MYO1E: variants seen among roughly 807,000 people sequenced by gnomAD.
MYO1E encodes the protein myosin IE.
A neutral mutation model predicts 151.1 loss-of-function variants in MYO1E; 68 were observed. The observed-to-expected ratio is 0.45, with a 90% CI of 0.37 to 0.55. The LOEUF (loss-of-function observed/expected upper bound fraction) is 0.55, where lower values mean the gene tolerates loss of function less well. Ranked by LOEUF, MYO1E falls within the 20% of genes least tolerant of loss-of-function variation. The pLI, the probability that MYO1E is intolerant of heterozygous loss-of-function variation, is 0.00. For missense variants in MYO1E, 1,363 were observed against 1,389.3 expected, an observed-to-expected ratio of 0.98 and a Z score of 0.30; for synonymous variants, 601 against 501.7, an observed-to-expected ratio of 1.20 and a Z score of -2.64.
chr15:59,195,637 G>A (rs754788680), intron 16 of MYO1E, 70 bp from the exon 17 acceptor site: 2 of 1,335,298 alleles, frequency 1.5e-6, no homozygotes, highest in African/African-American at 2.9e-5. Context: ...AAGGAGACTT[G>A]TAAAACTCTC....
intron 2 of MYO1E, among the ~76,000 whole-genome samples, chr15:59,263,126 G>A (rs1202097044): frequency 1.3e-5 from 2 of 152,106 alleles, no homozygotes; most frequent in African/African-American, 4.8e-5. Context: ...TAAACAGAAA[G>A]TTATTTACAA....
intron 1 of MYO1E, among the ~76,000 whole-genome samples, chr15:59,277,273 G>A (rs534085824): frequency 5.9e-5 from 9 of 152,226 alleles, no homozygotes; most frequent in Admixed American, 3.9e-4. Flanking sequence ...TGGGCCAGGC[G>A]CGGTGGCTCA....
At chr15:59,233,545 T>C (rs1175448219) in intron 5 of MYO1E, among the ~76,000 whole-genome samples, 1 of 151,050 alleles carries the variant, frequency 6.6e-6, no homozygotes, top group Non-Finnish European at 1.5e-5. Context: ...ACGCCTGTAG[T>C]CCCAGCTACT....
chr15:59,283,288 T>C (rs1217213985), intron 1 of MYO1E, among the ~76,000 whole-genome samples: 1 of 152,056 alleles, frequency 6.6e-6, no homozygotes, highest in Non-Finnish European at 1.5e-5. Flanking sequence ...TTGTTTCTGT[T>C]TTTCCACAGT....
rs540325444 is a variant in MYO1E, at chr15:59,171,864, G to A, written c.2480+33C>T. 3.8e-5 allele frequency: 61 copies of A among 1,613,878 alleles called. 1 individual carries two copies. In the South Asian group the frequency reaches 6.4e-4, roughly 17 times the overall value. ...CGGACCGTGATGCTGAGGCGAGAAG[G>A]GGCAGTCCTGCCTCTGCACCTCCAC... On this transcript the variant is annotated intron_variant, in intron 22 of 27. Transcript: ENST00000288235.
intron 12 of MYO1E, among the ~76,000 whole-genome samples, chr15:59,213,929 GC>G (rs2079897347): frequency 6.6e-6 from 1 of 152,214 alleles, no homozygotes; most frequent in South Asian, 2.1e-4. Flanking sequence ...GACAGTCGGG[GC>G]TGGAACTAGG....
At chr15:59,297,298 G>T (rs1395750023) in intron 1 of MYO1E, among the ~76,000 whole-genome samples, 1 of 148,856 alleles carries the variant, frequency 6.7e-6, no homozygotes, top group East Asian at 2.0e-4. Context: ...TAGAGACAGG[G>T]TCTTACTCTG....
chr15:59,338,748 C>T (rs1428075900), intron 1 of MYO1E, among the ~76,000 whole-genome samples: 2 of 152,166 alleles, frequency 1.3e-5, no homozygotes, highest in African/African-American at 2.4e-5. Context: ...GCAAACAGTG[C>T]AAGAGAACCA....
At chr15:59,206,900 C>G (rs752961563) in intron 14 of MYO1E, 2 of 1,580,676 alleles carry the variant, frequency 1.3e-6, no homozygotes, top group African/African-American at 1.3e-5. Context: ...GGATCAGCAG[C>G]TTTTTTCCAT....
At chr15:59,157,909 G>T (rs1337989324) in intron 25 of MYO1E, among the ~76,000 whole-genome samples, 1 of 152,228 alleles carries the variant, frequency 6.6e-6, no homozygotes. Flanking sequence ...GGCCGGAGCT[G>T]GGTAGTGGTG....
chr15:59,149,534 C>T (rs1444885433), intron 26 of MYO1E, among the ~76,000 whole-genome samples: 1 of 152,060 alleles, frequency 6.6e-6, no homozygotes, highest in Non-Finnish European at 1.5e-5. Context: ...CCATGTGCAC[C>T]AATACTGCAA....
At chr15:59,253,262 T>C (rs1434786235) in intron 4 of MYO1E, among the ~76,000 whole-genome samples, 3 of 152,174 alleles carry the variant, frequency 2.0e-5, no homozygotes, top group African/African-American at 4.8e-5. Flanking sequence ...ATAGTTTTTA[T>C]TTGAAGGTGA....
Position 59,137,446 on chromosome 15 carries a change from G to A in MYO1E, c.3261C>T (p.Gly1087=). The change falls in exon 28 of 28, where the codon GGC becomes GGT. Residue 1087 remains glycine (G), a synonymous_variant. Transcript: ENST00000288235. Reference sequence around the variant, plus strand: ...TGCCTCGTAGTCGACCCGTCCACCAGCCAGAAGGATCTGCAGGGAGAGAGA... The same window carrying A: ...TGCCTCGTAGTCGACCCGTCCACCAACCAGAAGGATCTGCAGGGAGAGAGA... ...IIDIIKEDPS[G]WWTGRLRGKQ... The A allele has an allele frequency of 6.2e-7, 1 of 1,614,106 alleles. No homozygotes were observed. Among genetic ancestry groups the A allele is most frequent in the Admixed American group, 1.7e-5 (1 of 60,026 alleles).
At chr15:59,346,948 T>C (rs55992940) in intron 1 of MYO1E, among the ~76,000 whole-genome samples, 79,960 of 150,860 alleles carry the variant, frequency 0.53, 26,477 homozygotes, top group Non-Finnish European at 0.74. Context: ...AGTGAAAGAA[T>C]TGTGTAAAGA....
At chr15:59,141,967 C>T (rs1033696980) in intron 26 of MYO1E, among the ~76,000 whole-genome samples, 3 of 151,458 alleles carry the variant, frequency 2.0e-5, no homozygotes, top group Admixed American at 2.0e-4. Flanking sequence ...ATTAGCCGGG[C>T]GTGGTGGCGG....
Position 59,227,492 on chromosome 15 carries a change from G to C in MYO1E, c.609C>G (p.Asn203Lys). The change falls in exon 7 of 28, where the codon AAC becomes AAG. Residue 203 changes from asparagine (N) to lysine (K), a missense_variant. Asn to Lys is a moderately conservative substitution (Grantham distance 94). Coordinates refer to ENST00000288235, the MANE Select transcript of MYO1E (RefSeq NM_004998.4). ...ATATGTGAAAACTCCGCTCTCCTGGGTTCCTCATCACCACCCTAGATTTTT... is the reference window on the plus strand; with the variant it reads ...ATATGTGAAAACTCCGCTCTCCTGGCTTCCTCATCACCACCCTAGATTTTT... ...LLEKSRVVMR[N>K]PGERSFHIFY... The C allele has an allele frequency of 6.2e-7, 1 of 1,614,140 alleles. No homozygotes were observed. Among genetic ancestry groups the C allele is most frequent in the South Asian group, 1.1e-5 (1 of 91,086 alleles).
At chr15:59,353,946 TAG>T (rs2080839411) in intron 1 of MYO1E, among the ~76,000 whole-genome samples, 1 of 152,140 alleles carries the variant, frequency 6.6e-6, no homozygotes, top group South Asian at 2.1e-4. Context: ...CAAAATAATC[TAG>T]AGTTTGTGTG....
At chr15:59,155,124 G>A (rs1259258011) in intron 25 of MYO1E, among the ~76,000 whole-genome samples, 1 of 152,186 alleles carries the variant, frequency 6.6e-6, no homozygotes, top group Non-Finnish European at 1.5e-5. Flanking sequence ...CATCTTAGGA[G>A]TGTGACATGC....
chr15:59,214,551 T>G (rs2079901767), intron 11 of MYO1E, 89 bp downstream of exon 11: 4 of 1,297,730 alleles, frequency 3.1e-6, no homozygotes, highest in Non-Finnish European at 3.4e-6. Flanking sequence ...TTTCTGTTTT[T>G]TTGTTTTTGC....
Sources: allele counts gnomAD v4.1 joint callset (sites outside exome capture counted in the v4.1 genomes callset), GRCh38; gene constraint gnomAD v4.1.1; transcripts MANE v1.5; gene names NCBI Gene and HGNC (gene_info 2026-07-23, HGNC 2026-07-21).